The following GALNTL6 variants were observed in gnomAD, a reference collection of about 807,000 sequenced individuals.
GALNTL6 encodes polypeptide N-acetylgalactosaminyltransferase-like 6.
In GALNTL6, 46 loss-of-function variants were observed where a neutral mutation model predicts 73.7. The observed-to-expected ratio is 0.62, with a 90% CI of 0.49 to 0.80. The LOEUF is 0.80. GALNTL6 is among the 30% of genes least tolerant of loss of function. GALNTL6 has a pLI of 0.00. For synonymous variants in GALNTL6, 259 were observed against 263.7 expected (o/e 0.98, Z 0.17); for missense variants, 604 against 755.0 (o/e 0.80, Z 2.34).
intron 5 of GALNTL6, among the ~76,000 whole-genome samples, chr4:172,553,880 G>A (rs1736050969): frequency 6.6e-6 from 1 of 151,948 alleles, no homozygotes; most frequent in Non-Finnish European, 1.5e-5. Flanking sequence ...AACATAACAA[G>A]ATCCCATCTC....
intron 3 of GALNTL6, 144 bp downstream of exon 3, chr4:172,229,908 T>G (rs1736996209): frequency 1.7e-6 from 1 of 573,968 alleles, no homozygotes; most frequent in African/African-American, 1.9e-5. Flanking sequence ...GGACAGAACC[T>G]AAATGACTTC....
chr4:172,663,414 C>A (rs1731485858), intron 5 of GALNTL6, among the ~76,000 whole-genome samples: 1 of 152,072 alleles, frequency 6.6e-6, no homozygotes, highest in Non-Finnish European at 1.5e-5. Context: ...CTAATGTCAC[C>A]CTTCTGTTCA....
intron 2 of GALNTL6, among the ~76,000 whole-genome samples, chr4:171,836,147 C>T (rs1023362864): frequency 6.6e-6 from 1 of 152,026 alleles, no homozygotes; most frequent in Non-Finnish European, 1.5e-5. Flanking sequence ...GACACTGAAA[C>T]AGTTAATTTG....
chr4:172,619,035 T>G (rs2111067058), intron 5 of GALNTL6, among the ~76,000 whole-genome samples: 1 of 152,292 alleles, frequency 6.6e-6, no homozygotes, highest in East Asian at 1.9e-4. Flanking sequence ...CACTAATTTT[T>G]TTTAGTGGCC....
At chr4:172,448,608 C>T (rs528838579) in intron 5 of GALNTL6, among the ~76,000 whole-genome samples, 97 of 152,268 alleles carry the variant, frequency 6.4e-4, no homozygotes, top group Middle Eastern at 3.4e-3. Flanking sequence ...CCCCTCTATT[C>T]GCTATCTGGG....
chr4:172,840,941 T>C (rs967102374), intron 7 of GALNTL6, among the ~76,000 whole-genome samples: 1 of 152,184 alleles, frequency 6.6e-6, no homozygotes, highest in South Asian at 2.1e-4. Flanking sequence ...TGAGCATTTA[T>C]GCCCAACACA....
intron 2 of GALNTL6, among the ~76,000 whole-genome samples, chr4:172,086,430 GTA>G (rs761089588): frequency 6.6e-6 from 1 of 151,792 alleles, no homozygotes; most frequent in Non-Finnish European, 1.5e-5. Context: ...TATTTTTGTT[GTA>G]TATATATAAT....
chr4:171,988,788 G>C (rs549655246), intron 2 of GALNTL6, among the ~76,000 whole-genome samples: 8 of 152,072 alleles, frequency 5.3e-5, no homozygotes, highest in Non-Finnish European at 1.2e-4. Flanking sequence ...GCATTGAGCC[G>C]GGTAAGAGTG....
intron 12 of GALNTL6, among the ~76,000 whole-genome samples, chr4:173,036,923 G>A (rs2126543597): frequency 6.6e-6 from 1 of 152,302 alleles, no homozygotes; most frequent in African/African-American, 2.4e-5. Context: ...GGCTGTCATA[G>A]AACCAAAGAC....
At chr4:172,347,895 A>C (rs1377955261) in intron 4 of GALNTL6, among the ~76,000 whole-genome samples, 1 of 152,168 alleles carries the variant, frequency 6.6e-6, no homozygotes, top group Non-Finnish European at 1.5e-5. Flanking sequence ...CAATGAAAAA[A>C]ATGAACTTGA....
chr4:171,917,523 A>C (rs1429758235), intron 2 of GALNTL6, among the ~76,000 whole-genome samples: 6 of 152,068 alleles, frequency 3.9e-5, no homozygotes, highest in Non-Finnish European at 5.9e-5. Context: ...AATGACACCT[A>C]AGCAAAGTTG....
chr4:172,676,794 C>T (rs933061492), intron 5 of GALNTL6, among the ~76,000 whole-genome samples: 2 of 152,194 alleles, frequency 1.3e-5, no homozygotes, highest in African/African-American at 4.8e-5. Flanking sequence ...TGAGCAACTG[C>T]TTAAGTTCAG....
chr4:172,045,568 C>T (rs1467554188), intron 2 of GALNTL6, among the ~76,000 whole-genome samples: 2 of 152,052 alleles, frequency 1.3e-5, no homozygotes, highest in South Asian at 2.1e-4. Flanking sequence ...ACACTCCATA[C>T]ATACTTTGGT....
chr4:172,802,005 A>C (rs1386249113), intron 5 of GALNTL6, among the ~76,000 whole-genome samples: 1 of 152,122 alleles, frequency 6.6e-6, no homozygotes, highest in Non-Finnish European at 1.5e-5. Flanking sequence ...GTCTCTTAAT[A>C]TTCAGGATTC....
chr4:172,238,275 T>C (rs1185967010), intron 3 of GALNTL6, among the ~76,000 whole-genome samples: 1 of 152,196 alleles, frequency 6.6e-6, no homozygotes, highest in Non-Finnish European at 1.5e-5. Context: ...TCTGATTTCT[T>C]TGAGCAATGT....
intron 10 of GALNTL6, among the ~76,000 whole-genome samples, chr4:172,966,444 G>C (rs1750330126): frequency 6.6e-6 from 1 of 151,874 alleles, no homozygotes; most frequent in Non-Finnish European, 1.5e-5. Flanking sequence ...ACGCAGGCTG[G>C]AGTGCAGTCG....
chr4:172,746,971 T>A (rs753449373), intron 5 of GALNTL6, among the ~76,000 whole-genome samples: 5 of 152,042 alleles, frequency 3.3e-5, no homozygotes, highest in Non-Finnish European at 7.4e-5. Context: ...AACTCGAAAG[T>A]GCTGTTAAAA....
rs1156871276 is a variant in GALNTL6, at chr4:172,525,771, G to A, written c.553+177082G>A. 7.9e-5 allele frequency among the ~76,000 whole-genome samples: 12 copies of A among 152,254 alleles called. No homozygotes were observed. In the South Asian group the frequency reaches 2.5e-3, roughly 32 times the overall value. On this transcript the variant is annotated intron_variant, in intron 5 of 12. Transcript: ENST00000506823. ...CCAGCTACTTGAGAGGCTGAGGTGG[G>A]AGGATGGCTTAAGCCCAGAAGTTCA...
At chr4:172,186,995 G>A (rs1039138730) in intron 2 of GALNTL6, among the ~76,000 whole-genome samples, 1 of 152,096 alleles carries the variant, frequency 6.6e-6, no homozygotes, top group South Asian at 2.1e-4. Context: ...TGCCCACTAA[G>A]TAGAATATTC....
Sources: allele counts gnomAD v4.1 joint callset (sites outside exome capture counted in the v4.1 genomes callset), GRCh38; gene constraint gnomAD v4.1.1; transcripts MANE v1.5; gene names NCBI Gene and HGNC (gene_info 2026-07-23, HGNC 2026-07-21).